Variants in PSD3 observed in about 807,000 individuals in gnomAD.
The protein encoded by PSD3 is PH and SEC7 domain-containing protein 3.
In PSD3, 49 loss-of-function variants were observed where a neutral mutation model predicts 105.5. The ratio of observed to expected loss-of-function variants is 0.46; its 90% CI spans 0.37 to 0.59. PSD3 has a LOEUF of 0.59. Among genes scored for constraint, PSD3 ranks in the 20% least tolerant of loss-of-function variants. The pLI, the probability that PSD3 is intolerant of heterozygous loss-of-function variation, is 0.00. For synonymous variants in PSD3, 557 were observed against 457.8 expected, an observed-to-expected ratio of 1.22 and a Z score of -2.77; for missense variants, 1,561 against 1,263.8, an observed-to-expected ratio of 1.24 and a Z score of -3.57.
chr8:18,867,218 G>A (rs1260188377), intron 4 of PSD3, among the ~76,000 whole-genome samples: 1 of 152,138 alleles, frequency 6.6e-6, no homozygotes, highest in East Asian at 1.9e-4. Context: ...TCAGAGCAAA[G>A]GGCTGGAAGA....
chr8:18,812,049 A>T (rs1269837796), intron 4 of PSD3, among the ~76,000 whole-genome samples: 3 of 152,216 alleles, frequency 2.0e-5, no homozygotes, highest in Non-Finnish European at 4.4e-5. Flanking sequence ...GGGCCATATG[A>T]CTTCCTAAAT....
At chr8:18,586,567 AT>A (rs1395786252) in intron 12 of PSD3, among the ~76,000 whole-genome samples, 1 of 151,994 alleles carries the variant, frequency 6.6e-6, no homozygotes, top group Non-Finnish European at 1.5e-5. Context: ...TGGTTTGTGT[AT>A]GTGTGTGGTA....
intron 9 of PSD3, among the ~76,000 whole-genome samples, chr8:18,675,742 A>C (rs1443660696): frequency 1.3e-5 from 2 of 152,230 alleles, no homozygotes; most frequent in African/African-American, 4.8e-5. Flanking sequence ...TAGTTAAGGC[A>C]AAGCTTAAAA....
intron 1 of PSD3, among the ~76,000 whole-genome samples, chr8:19,069,211 T>C (rs551262819): frequency 6.6e-5 from 10 of 152,344 alleles, no homozygotes; most frequent in Non-Finnish European, 1.5e-4. Context: ...TCATCTGCAG[T>C]TTCAAAGAAT....
chr8:19,054,134 C>T (rs1294421895), intron 1 of PSD3, among the ~76,000 whole-genome samples: 4 of 152,174 alleles, frequency 2.6e-5, no homozygotes, highest in Non-Finnish European at 5.9e-5. Flanking sequence ...TTTCTCCTGC[C>T]GCGGGCTTGT....
At chr8:19,013,735 A>G, upstream of PSD3, 1 of 498,944 alleles carries the variant, frequency 2.0e-6, no homozygotes, top group Non-Finnish European at 2.8e-6. Flanking sequence ...ACCCTGGCGG[A>G]GGCTGGCGAG....
chr8:18,923,904 ATGTG>A (rs958853501), intron 2 of PSD3, among the ~76,000 whole-genome samples: 1 of 151,982 alleles, frequency 6.6e-6, no homozygotes, highest in African/African-American at 2.4e-5. Context: ...ATATACATAT[ATGTG>A]TGTGTTTTAT....
intron 1 of PSD3, among the ~76,000 whole-genome samples, chr8:18,957,487 G>T: frequency 6.6e-6 from 1 of 151,854 alleles, no homozygotes; most frequent in Non-Finnish European, 1.5e-5. Context: ...CAGAATCCAC[G>T]GGCCCAACAG....
intron 1 of PSD3, among the ~76,000 whole-genome samples, chr8:18,995,749 G>C (rs916381938): frequency 1.3e-5 from 2 of 152,002 alleles, no homozygotes; most frequent in Admixed American, 6.6e-5. Context: ...AGGCAAGAGA[G>C]CATGTGCAGG....
At chr8:18,941,251 C>G (rs1455299168) in intron 1 of PSD3, among the ~76,000 whole-genome samples, 1 of 152,204 alleles carries the variant, frequency 6.6e-6, no homozygotes, top group African/African-American at 2.4e-5. Context: ...GTCAGGTGAT[C>G]AGACTTAAAT....
chr8:18,537,402 G>A (rs938177405), intron 15 of PSD3, among the ~76,000 whole-genome samples: 6 of 152,258 alleles, frequency 3.9e-5, no homozygotes, highest in Non-Finnish European at 8.8e-5. Context: ...TAGATTATAT[G>A]TATATAGATT....
At chr8:18,859,584 T>C (rs1361332552) in intron 4 of PSD3, among the ~76,000 whole-genome samples, 2 of 152,242 alleles carry the variant, frequency 1.3e-5, no homozygotes, top group Non-Finnish European at 2.9e-5. Flanking sequence ...TTAGTGTAGC[T>C]AGCTTTATCA....
chr8:18,541,962 A>G lies in PSD3; in HGVS notation c.2929-6004T>C, dbSNP rs141482687. 8.2e-3 allele frequency among the ~76,000 whole-genome samples: 1,254 copies of G among 152,186 alleles called. 8 individuals carry two copies. Among genetic ancestry groups the G allele is most frequent in the Middle Eastern group, 0.017 (5 of 294 alleles). ...AGAACGGGGTTTCTCCATGTTGGTC[A>G]GGCTGGTCTCAAACTCCTGACCTCA... On this transcript the variant is annotated intron_variant, in intron 15 of 15. Coordinates refer to ENST00000327040, the MANE Select transcript of PSD3 (RefSeq NM_015310.4).
intron 2 of PSD3, among the ~76,000 whole-genome samples, chr8:18,886,480 TCGAAAGACAAG>T (rs1818461191): frequency 6.6e-6 from 1 of 152,088 alleles, no homozygotes; most frequent in Non-Finnish European, 1.5e-5. Flanking sequence ...ACTGGGACGC[TCGAAAGACAAG>T]ACTAGTAAGC....
At chr8:18,717,723 A>G (rs961069716) in intron 9 of PSD3, among the ~76,000 whole-genome samples, 2 of 152,222 alleles carry the variant, frequency 1.3e-5, no homozygotes, top group Non-Finnish European at 2.9e-5. Context: ...ACTCAGTTAG[A>G]AAGATAAAAA....
chr8:18,987,734 A>ATAGGAGGCTGAGGTGAGT (rs1825581551), intron 1 of PSD3, among the ~76,000 whole-genome samples: 1 of 152,046 alleles, frequency 6.6e-6, no homozygotes, highest in African/African-American at 2.4e-5. Flanking sequence ...TGAGAGAATC[A>ATAGGAGGCTGAGGTGAGT]CCTGAGCCCA....
chr8:18,575,231 T>G lies in PSD3; in HGVS notation c.2536A>C (p.Ser846Arg), dbSNP rs765124865. Residue 846 changes from serine to arginine, a missense_variant, in exon 13 of 16, where the codon AGT becomes CGT. Transcript: ENST00000327040. ...LSEEDLKNAV[S>R]VHHALASKAT... The stretch of plus-strand genomic sequence containing the variant: ...TTGGATGCCAATGCGTGGTGCACAC[T>G]CACAGCGTTTTTCAAGTCCTCTTCA... 2 of 1,613,488 alleles carry G rather than the reference T, an allele frequency of 1.2e-6. No homozygotes were observed. The highest frequency in any genetic ancestry group is 1.7e-6 in the Non-Finnish European group (2 of 1,179,674).
chr8:18,692,212 A>C (rs1231114142), intron 9 of PSD3, among the ~76,000 whole-genome samples: 1 of 152,236 alleles, frequency 6.6e-6, no homozygotes, highest in Non-Finnish European at 1.5e-5. Context: ...ATAAAATATT[A>C]TGCAAATCCA....
intron 2 of PSD3, among the ~76,000 whole-genome samples, chr8:18,888,279 C>T (rs552001220): frequency 9.9e-5 from 15 of 152,154 alleles, no homozygotes; most frequent in Non-Finnish European, 1.8e-4. Context: ...AGCTCAGTGC[C>T]GACTACCGGC....
Sources: allele counts gnomAD v4.1 joint callset (sites outside exome capture counted in the v4.1 genomes callset), GRCh38; gene constraint gnomAD v4.1.1; transcripts MANE v1.5; gene names NCBI Gene and HGNC (gene_info 2026-07-23, HGNC 2026-07-21).